Variants in GABBR2 observed in about 807,000 individuals in gnomAD.
GABBR2 encodes gamma-aminobutyric acid type B receptor subunit 2.
GABBR2 carries 23 observed loss-of-function variants against 105.6 expected under a neutral mutation model. That is an observed-to-expected ratio of 0.22 (90% confidence interval 0.16 to 0.31). The LOEUF (loss-of-function observed/expected upper bound fraction) is 0.31, where lower values mean the gene tolerates loss of function less well. Ranked by LOEUF, GABBR2 falls within the 10% of genes least tolerant of loss-of-function variation. The pLI, the probability that GABBR2 is intolerant of heterozygous loss-of-function variation, is 1.00. For synonymous variants in GABBR2, 478 were observed against 499.7 expected (o/e 0.96, Z 0.58); for missense variants, 734 against 1,245.5 (o/e 0.59, Z 6.18).
intron 7 of GABBR2, among the ~76,000 whole-genome samples, chr9:98,414,070 C>T (rs1378049892): frequency 1.3e-5 from 2 of 152,192 alleles, no homozygotes; most frequent in Admixed American, 6.5e-5. Flanking sequence ...CAACATGGTC[C>T]TAGATTGCAT....
At chr9:98,676,603 C>G (rs1401198288) in intron 1 of GABBR2, among the ~76,000 whole-genome samples, 1 of 152,138 alleles carries the variant, frequency 6.6e-6, no homozygotes, top group East Asian at 1.9e-4. Flanking sequence ...ATTTTTTTCC[C>G]TCTTTTCCCC....
chr9:98,614,200 T>G (rs1026106688), intron 1 of GABBR2, among the ~76,000 whole-genome samples: 5 of 152,130 alleles, frequency 3.3e-5, no homozygotes, highest in Admixed American at 2.0e-4. Context: ...CTAATCACAA[T>G]AAATATAAAC....
chr9:98,382,112 T>C (rs369459716), intron 11 of GABBR2, among the ~76,000 whole-genome samples: 5 of 152,098 alleles, frequency 3.3e-5, no homozygotes, highest in African/African-American at 7.2e-5. Flanking sequence ...GCAGTGAAGA[T>C]TGAATGCCTC....
chr9:98,502,915 C>T (rs1827433135), intron 3 of GABBR2, among the ~76,000 whole-genome samples: 1 of 152,242 alleles, frequency 6.6e-6, no homozygotes, highest in African/African-American at 2.4e-5. Context: ...ACTTCATTCA[C>T]TCACTTATTC....
chr9:98,400,027 A>C (rs1221758578), intron 8 of GABBR2, among the ~76,000 whole-genome samples: 13 of 144,868 alleles, frequency 9.0e-5, no homozygotes, highest in African/African-American at 3.3e-4. Flanking sequence ...AAAAAAAAAA[A>C]AAAAAAACCT....
intron 1 of GABBR2, among the ~76,000 whole-genome samples, chr9:98,638,958 G>A (rs777229445): frequency 1.3e-5 from 2 of 152,162 alleles, no homozygotes; most frequent in Non-Finnish European, 2.9e-5. Flanking sequence ...ATTTTGAGTT[G>A]GTCTGGTGAT....
intron 1 of GABBR2, among the ~76,000 whole-genome samples, chr9:98,649,008 C>T (rs1328016436): frequency 6.6e-6 from 1 of 152,128 alleles, no homozygotes; most frequent in African/African-American, 2.4e-5. Context: ...TTTCTTCATT[C>T]ACAGGCATCA....
intron 13 of GABBR2, among the ~76,000 whole-genome samples, chr9:98,328,469 T>A (rs556578146): frequency 6.6e-6 from 1 of 152,280 alleles, no homozygotes; most frequent in East Asian, 1.9e-4. Flanking sequence ...TGGGCCCGCA[T>A]ATGCCAATGA....
At chr9:98,332,581 A>T (rs1222126192) in intron 13 of GABBR2, among the ~76,000 whole-genome samples, 1 of 152,242 alleles carries the variant, frequency 6.6e-6, no homozygotes, top group Non-Finnish European at 1.5e-5. Context: ...TTGTGTTTAC[A>T]GATGCCGCAC....
At chr9:98,536,711 G>C (rs1828188996) in intron 3 of GABBR2, among the ~76,000 whole-genome samples, 1 of 151,946 alleles carries the variant, frequency 6.6e-6, no homozygotes, top group Non-Finnish European at 1.5e-5. Flanking sequence ...CCCTCTTCTG[G>C]CTCTGTCCAC....
At chr9:98,316,378 C>T (rs1830718256) in intron 13 of GABBR2, among the ~76,000 whole-genome samples, 1 of 152,168 alleles carries the variant, frequency 6.6e-6, no homozygotes, top group South Asian at 2.1e-4. Flanking sequence ...TCTCGAACTC[C>T]CAACCTCAGA....
chr9:98,666,243 A>G (rs985053963), intron 1 of GABBR2, among the ~76,000 whole-genome samples: 12 of 152,116 alleles, frequency 7.9e-5, no homozygotes, highest in Non-Finnish European at 1.5e-4. Context: ...AACCTAACGA[A>G]CCCAAAGGAA....
intron 3 of GABBR2, among the ~76,000 whole-genome samples, chr9:98,532,605 C>T (rs1020116066): frequency 6.6e-6 from 1 of 152,160 alleles, no homozygotes; most frequent in Middle Eastern, 3.2e-3. Context: ...AGCTTGGGAG[C>T]ACAGTGGTCC....
intron 1 of GABBR2, among the ~76,000 whole-genome samples, chr9:98,634,829 C>T (rs1829856858): frequency 2.0e-5 from 3 of 152,104 alleles, no homozygotes; most frequent in Admixed American, 6.5e-5. Context: ...GGAACGCATG[C>T]GACCCATGCC....
intron 7 of GABBR2, among the ~76,000 whole-genome samples, chr9:98,444,756 G>A (rs935145500): frequency 6.6e-6 from 1 of 152,230 alleles, no homozygotes; most frequent in Non-Finnish European, 1.5e-5. Context: ...GCCCCAGAGA[G>A]TTGCTTATGG....
chr9:98,564,890 G>A (rs916355485), intron 2 of GABBR2, among the ~76,000 whole-genome samples: 7 of 152,164 alleles, frequency 4.6e-5, no homozygotes, highest in African/African-American at 1.4e-4. Context: ...TGGGACCAGG[G>A]TTGGGGAAGA....
intron 13 of GABBR2, among the ~76,000 whole-genome samples, chr9:98,335,401 G>A (rs1456553527): frequency 1.3e-5 from 2 of 152,096 alleles, no homozygotes; most frequent in Admixed American, 1.3e-4. Flanking sequence ...ATTGTCCTGA[G>A]TCTATTTATC....
intron 5 of GABBR2, among the ~76,000 whole-genome samples, chr9:98,474,642 C>T (rs1435717043): frequency 2.0e-5 from 3 of 152,284 alleles, no homozygotes; most frequent in South Asian, 4.1e-4. Context: ...TGTCGCACCC[C>T]TTGGCCTACA....
rs1564110817 is a variant in GABBR2, at chr9:98,547,764, TATTGTTTG to T, written c.460-5729_460-5722del. On this transcript the variant is annotated intron_variant, in intron 2 of 18. Transcript: ENST00000259455. Reference sequence around the variant, plus strand: ...TTTCAGAGATAAAGTGGTACTTCATTATTGTTTGATTTTGCAGTGCTTTGCCTGGAATG... The same window carrying T: ...TTTCAGAGATAAAGTGGTACTTCATTATTTTGCAGTGCTTTGCCTGGAATG... 1.6e-5 allele frequency among the ~76,000 whole-genome samples: 2 copies of T among 122,090 alleles called. 1 individual carries two copies. Among genetic ancestry groups the T allele is most frequent in the Non-Finnish European group, 3.7e-5 (2 of 54,252 alleles). The allele number at this position is 122,090 out of a possible 152,430, so 80.1% of individuals were successfully genotyped here.
Sources: gnomAD v4.1 joint callset for allele counts (sites outside exome capture counted in the v4.1 genomes callset) on GRCh38, gnomAD v4.1.1 for gene constraint, MANE v1.5 for transcripts, NCBI Gene and HGNC (gene_info 2026-07-23, HGNC 2026-07-21) for gene names.